ARHGEF4: variants seen among roughly 807,000 people sequenced by gnomAD.
ARHGEF4 encodes the protein Rho guanine nucleotide exchange factor 4.
Under a neutral mutation model 162.0 loss-of-function variants are expected in ARHGEF4, and 119 were observed. The observed-to-expected ratio is 0.73, with a 90% confidence interval of 0.63 to 0.86. The LOEUF (loss-of-function observed/expected upper bound fraction) is 0.86, where lower values mean the gene tolerates loss of function less well. ARHGEF4 is among the 40% of genes least tolerant of loss of function. The pLI is 0.00. For synonymous variants in ARHGEF4, 1,014 were observed against 979.9 expected (o/e 1.03, Z -0.65); for missense variants, 2,488 against 2,456.0 (o/e 1.01, Z -0.28).
chr2:130,988,691 A>G (rs1686684631), intron 4 of ARHGEF4, among the ~76,000 whole-genome samples: 1 of 152,076 alleles, frequency 6.6e-6, no homozygotes, highest in Non-Finnish European at 1.5e-5. Context: ...GTCACTAAAT[A>G]TTTCTCAACA....
chr2:130,861,146 T>A (rs1681998769), intron 1 of ARHGEF4, among the ~76,000 whole-genome samples: 1 of 38,366 alleles, frequency 2.6e-5, no homozygotes, highest in Non-Finnish European at 4.1e-5. Context: ...AAATGGCAGA[T>A]ATAAATGTAA....
intron 3 of ARHGEF4, among the ~76,000 whole-genome samples, chr2:130,938,551 G>A (rs1683100352): frequency 6.6e-6 from 1 of 152,154 alleles, no homozygotes; most frequent in Non-Finnish European, 1.5e-5. Context: ...ACAATTGAGA[G>A]GTAAGGCAAG....
At chr2:130,921,722 C>G (rs1681884983) in intron 2 of ARHGEF4, among the ~76,000 whole-genome samples, 1 of 152,084 alleles carries the variant, frequency 6.6e-6, no homozygotes, top group African/African-American at 2.4e-5. Context: ...GACCAAGTCC[C>G]CCTCTGTCAC....
At chr2:130,947,117 C>G (rs1683671734) in intron 4 of ARHGEF4, 1 of 154,290 alleles carries the variant, frequency 6.5e-6, no homozygotes, top group Non-Finnish European at 1.4e-5. Context: ...GTAATCTCAG[C>G]TACTCGGGAG....
intron 1 of ARHGEF4, among the ~76,000 whole-genome samples, chr2:130,902,871 C>G (rs1163921705): frequency 6.6e-6 from 1 of 152,076 alleles, no homozygotes; most frequent in Non-Finnish European, 1.5e-5. Flanking sequence ...TTTCTAAAAC[C>G]CAAGAAGAGA....
chr2:130,980,873 A>G (rs553312539), intron 4 of ARHGEF4, among the ~76,000 whole-genome samples: 8 of 152,336 alleles, frequency 5.3e-5, no homozygotes, highest in African/African-American at 9.6e-5. Context: ...GATAAGGCCA[A>G]TCTTTCCTGA....
intron 1 of ARHGEF4, among the ~76,000 whole-genome samples, chr2:130,850,439 C>G (rs1477370175): frequency 6.6e-6 from 1 of 152,206 alleles, no homozygotes. Context: ...CTGCTCTGCT[C>G]CCTCCATGAG....
rs188652409 is a variant in ARHGEF4 at position 130,841,918 on chromosome 2, G to A, written c.39+4926G>A. 5.0e-4 allele frequency among the ~76,000 whole-genome samples: 76 copies of A among 152,324 alleles called. No homozygotes were observed. The East Asian group carries it at 0.014, about 28-fold the overall frequency. Reference sequence around the variant, plus strand: ...GCTCTTGGACTCCAGCATGGGGGGCGCACCTGCAGCAGTACATTGCCCTGG... The same window carrying A: ...GCTCTTGGACTCCAGCATGGGGGGCACACCTGCAGCAGTACATTGCCCTGG... On this transcript the variant is annotated intron_variant, in intron 1 of 13. Transcript: ENST00000409359.
rs934677097 is a variant in ARHGEF4, at chr2:130,915,812, C to T, written c.1866C>T (p.Gly622=). ...GGCAGCTGGAGCCCAAAGCAGGCGG[C>T]GAGGCCTCGAGGGGCAGGGGCGCCC... ...GGRQLEPKAG[G]EASRGRGALI... is the part of the protein sequence containing the mutation. The change falls in exon 2 of 14, where the codon GGC becomes GGT. Residue 622 remains glycine, a synonymous_variant. Coordinates refer to ENST00000409359, the MANE Select transcript of ARHGEF4 (RefSeq NM_001367493.1). 47 of 1,522,404 alleles carry T rather than the reference C, an allele frequency of 3.1e-5. 1 individual carries two copies. The African/African-American group carries it at 3.6e-4, about 12-fold the overall frequency. The allele number at this position is 1,522,404 out of a possible 1,614,324, so 94.3% of individuals were successfully genotyped here.
At chr2:130,879,150 A>G (rs1046027250) in intron 1 of ARHGEF4, among the ~76,000 whole-genome samples, 1 of 152,036 alleles carries the variant, frequency 6.6e-6, no homozygotes, top group African/African-American at 2.4e-5. Flanking sequence ...AAGAAGCTAC[A>G]TTTTCCAGGA....
intron 1 of ARHGEF4, among the ~76,000 whole-genome samples, chr2:130,876,577 A>G (rs541846881): frequency 7.2e-5 from 11 of 152,218 alleles, no homozygotes; most frequent in Non-Finnish European, 1.5e-4. Flanking sequence ...TATTTTTAGT[A>G]GAGACGGGGT....
chr2:130,924,571 G>C (rs1251343631), intron 2 of ARHGEF4, among the ~76,000 whole-genome samples: 1 of 152,162 alleles, frequency 6.6e-6, no homozygotes, highest in East Asian at 1.9e-4. Context: ...GCAGTCCTCT[G>C]GTGTGAAAGG....
At chr2:131,035,414 C>A (rs1690188099) in intron 5 of ARHGEF4, 1 of 562,204 alleles carries the variant, frequency 1.8e-6, no homozygotes, top group East Asian at 1.4e-4. Context: ...TGTCGCCGAG[C>A]GGGTGCCTGA....
At chr2:130,981,941 A>G (rs934873713) in intron 4 of ARHGEF4, among the ~76,000 whole-genome samples, 23 of 152,226 alleles carry the variant, frequency 1.5e-4, no homozygotes, top group Admixed American at 1.5e-3. Flanking sequence ...AAGCAATACA[A>G]ACATGTACAC....
At position 130,900,936 on chromosome 2, in the gene ARHGEF4, T is replaced by G. The variant is rs139868235; in HGVS notation, c.40-13050T>G. On this transcript the variant is annotated intron_variant, in intron 1 of 13. Transcript: ENST00000409359. ...TTGCAATGCTATCCTGGTTGGCTTC[T>G]CGCTTCTGCTTGGGCCTTCTTTTGA... Among the ~76,000 whole-genome samples, 4 of 152,276 alleles carry G rather than the reference T, an allele frequency of 2.6e-5. No homozygotes were observed. In the East Asian group the frequency reaches 7.7e-4, roughly 29 times the overall value.
intron 2 of ARHGEF4, chr2:130,930,010 C>T (rs35584514): frequency 0.022 from 3,263 of 146,132 alleles, 39 homozygotes; most frequent in Non-Finnish European, 0.035. Context: ...TCTCCTGCCT[C>T]AGCCTCCCGA....
chr2:130,931,345 G>T, intron 3 of ARHGEF4, 88 bp downstream of exon 3: 1 of 1,388,502 alleles, frequency 7.2e-7, no homozygotes, highest in Non-Finnish European at 9.7e-7. Flanking sequence ...GCTTTTGCCT[G>T]ACTCTCCTGA....
rs542845027 is a variant in ARHGEF4, at chr2:130,917,080, G to A, written c.3134G>A (p.Gly1045Asp). 4 of 1,550,654 alleles carry A rather than the reference G, an allele frequency of 2.6e-6. No homozygotes were observed. The highest frequency in any genetic ancestry group is 2.0e-5 in the Admixed American group (1 of 51,004). Residue 1045 changes from glycine to aspartate, a missense_variant, in exon 2 of 14, where the codon GGT becomes GAT. Gly to Asp is a moderately conservative substitution (Grantham distance 94). Transcript: ENST00000409359. ...GAAGGCGGTAGGTACCTACCTTCAG[G>A]TATCTTTCCGGAAAAGTCCTGGCTG... is the stretch of plus-strand genomic sequence containing the variant. ...TQEGGRYLPS[G>D]IFPEKSWLAS... is the part of the protein sequence containing the mutation.
At chr2:130,992,321 T>C (rs1687064602) in intron 4 of ARHGEF4, among the ~76,000 whole-genome samples, 1 of 152,144 alleles carries the variant, frequency 6.6e-6, no homozygotes, top group African/African-American at 2.4e-5. Flanking sequence ...GCTTTATTCT[T>C]TCGCTCTTTG....
Sources: gnomAD v4.1 joint callset for allele counts (sites outside exome capture counted in the v4.1 genomes callset) on GRCh38, gnomAD v4.1.1 for gene constraint, MANE v1.5 for transcripts, NCBI Gene and HGNC (gene_info 2026-07-23, HGNC 2026-07-21) for gene names.